WWOX: variants seen among roughly 807,000 people sequenced by gnomAD.
WWOX encodes the protein WW domain containing oxidoreductase, also known as WW domain-containing oxidoreductase.
In WWOX, 69 loss-of-function variants were observed where a neutral mutation model predicts 46.2. The observed-to-expected ratio is 1.49, with a 90% CI of 1.23 to 1.82. The LOEUF is 1.82. WWOX is among the 40% of genes most tolerant of loss of function. The probability of loss-of-function intolerance (pLI) is 0.00; values close to 1 mark genes in which losing one functional copy is unlikely to be tolerated. For missense variants in WWOX, 919 were observed against 542.6 expected (o/e 1.69, Z -6.89); for synonymous variants, 359 against 202.6 (o/e 1.77, Z -6.56).
rs563670231 is a variant in WWOX, at chr16:78,627,911, A to G, written c.1056+195159A>G. ...TCCCGTGGATTTGGCGTTGGCCAGA[A>G]CTTGTCTGGAATCTTGTTTTCTGCC... On this transcript the variant is annotated intron_variant, in intron 8 of 8. Coordinates refer to ENST00000566780, the MANE Select transcript of WWOX (RefSeq NM_016373.4). Among the ~76,000 whole-genome samples the G allele has an allele frequency of 4.3e-4, 65 of 152,368 alleles. No individual in the cohort carries two copies. The South Asian group carries it at 0.013, about 31-fold the overall frequency.
Position 78,659,900 on chromosome 16 carries a change from C to T in WWOX, c.1056+227148C>T, listed in dbSNP as rs147595442. Among the ~76,000 whole-genome samples the T allele has an allele frequency of 2.0e-4, 30 of 152,246 alleles. No homozygotes were observed. The South Asian group carries it at 4.4e-3, about 22-fold the overall frequency. ...CGGGTCCCCAGGCTCAACTATCAGC[C>T]GCCTTCTCATCCCAAGGGCTGTCAC... On this transcript the variant is annotated intron_variant, in intron 8 of 8. Transcript: ENST00000566780.
chr16:78,562,825 C>A (rs2044470690), intron 8 of WWOX, among the ~76,000 whole-genome samples: 1 of 152,122 alleles, frequency 6.6e-6, no homozygotes, highest in Non-Finnish European at 1.5e-5. Context: ...AAAGCATGAG[C>A]CCCTCCCTGG....
intron 8 of WWOX, among the ~76,000 whole-genome samples, chr16:78,658,179 C>G (rs1215759436): frequency 6.6e-6 from 1 of 152,144 alleles, no homozygotes; most frequent in Non-Finnish European, 1.5e-5. Context: ...CTGCCAGATA[C>G]CCCTGGGGAA....
chr16:78,549,275 A>T (rs1481592112), intron 8 of WWOX, among the ~76,000 whole-genome samples: 11 of 152,230 alleles, frequency 7.2e-5, no homozygotes, highest in Non-Finnish European at 1.5e-5. Flanking sequence ...TTCACGTCTC[A>T]GATATATAAA....
chr16:78,504,665 C>G (rs1052856550), intron 8 of WWOX, among the ~76,000 whole-genome samples: 1 of 152,136 alleles, frequency 6.6e-6, no homozygotes, highest in East Asian at 1.9e-4. Flanking sequence ...ATCCTGAACA[C>G]ATCTCTGTGC....
intron 5 of WWOX, among the ~76,000 whole-genome samples, chr16:78,216,069 A>G (rs779456729): frequency 7.2e-5 from 11 of 152,156 alleles, no homozygotes; most frequent in South Asian, 2.1e-4. Flanking sequence ...TCGCTAACCA[A>G]TGGTCTCATC....
At chr16:78,988,768 C>G (rs990570816) in intron 8 of WWOX, among the ~76,000 whole-genome samples, 2 of 152,166 alleles carry the variant, frequency 1.3e-5, no homozygotes, top group African/African-American at 2.4e-5. Flanking sequence ...GAGAGAAAGA[C>G]CGGTGGCTGT....
At position 78,100,052 on chromosome 16, in the gene WWOX, G is replaced by A. The variant is rs2031655407; in HGVS notation, c.107+167G>A. On this transcript the variant is annotated intron_variant, in intron 1 of 8. Coordinates refer to ENST00000566780, the MANE Select transcript of WWOX (RefSeq NM_016373.4). ...GGGTCCAGGGTTCCCAGTAGGGGCC[G>A]GCCCCCTTGGTGGGCCTCGGGTCCA... is the stretch of plus-strand genomic sequence containing the variant. 17 of 1,412,698 alleles carry A rather than the reference G, an allele frequency of 1.2e-5. 1 individual carries two copies. The South Asian group carries it at 2.4e-4, about 20-fold the overall frequency. 87.5% of individuals were successfully genotyped at this position (1,412,698 alleles called of 1,614,324 possible).
chr16:78,759,768 C>G lies in WWOX; in HGVS notation c.1056+327016C>G, dbSNP rs73573730. 9.3e-3 allele frequency among the ~76,000 whole-genome samples: 1,417 copies of G among 152,248 alleles called. 26 individuals carry two copies. Among genetic ancestry groups the G allele is most frequent in the African/African-American group, 0.032 (1,317 of 41,538 alleles). On this transcript the variant is annotated intron_variant, in intron 8 of 8. Transcript: ENST00000566780. ...CAGAGGCTTAAGACAGCACAAATGT[C>G]TTATCTTACAGTTCTGAAGGTTTCG...
intron 5 of WWOX, among the ~76,000 whole-genome samples, chr16:78,381,882 T>G (rs902729022): frequency 1.3e-5 from 2 of 152,124 alleles, no homozygotes; most frequent in African/African-American, 4.8e-5. Context: ...TTTCCTTTTT[T>G]ACTCAGACAG....
At chr16:78,371,634 A>ATATAT (rs2151921917) in intron 5 of WWOX, among the ~76,000 whole-genome samples, 1 of 152,148 alleles carries the variant, frequency 6.6e-6, no homozygotes, top group South Asian at 2.1e-4. Context: ...CATGATTGTT[A>ATATAT]TATATTCTTG....
rs56280651 is a variant in WWOX, at chr16:78,768,279, T to TAAAAAAAAAAAAAAAAA, written c.1056+335532_1056+335548dup. On this transcript the variant is annotated intron_variant, in intron 8 of 8. Transcript: ENST00000566780. ...GCAAGCCAAAAAGTGATAGATGAGT[T>TAAAAAAAAAAAAAAAAA]AAAAAAAAAAAAAAAAAAAAAGTTG... Among the ~76,000 whole-genome samples the TAAAAAAAAAAAAAAAAA allele has an allele frequency of 5.3e-4, 49 of 91,948 alleles. 1 individual carries two copies. Among genetic ancestry groups the TAAAAAAAAAAAAAAAAA allele is most frequent in the African/African-American group, 2.0e-3 (49 of 24,976 alleles). The allele number at this position is 91,948 out of a possible 152,430, so 60.3% of individuals were successfully genotyped here.
chr16:78,328,816 G>C (rs2080691885), intron 5 of WWOX, among the ~76,000 whole-genome samples: 1 of 128,732 alleles, frequency 7.8e-6, no homozygotes, highest in Non-Finnish European at 1.6e-5. Flanking sequence ...TTGACCTTTT[G>C]CCGATGTGTT....
chr16:78,572,916 C>T (rs1251362002), intron 8 of WWOX, among the ~76,000 whole-genome samples: 2 of 152,244 alleles, frequency 1.3e-5, no homozygotes, highest in East Asian at 3.9e-4. Context: ...AAAGTGTACA[C>T]ACATTGCTTA....
At chr16:78,840,533 A>G (rs112818831) in intron 8 of WWOX, among the ~76,000 whole-genome samples, 2,382 of 152,236 alleles carry the variant, frequency 0.016, 65 homozygotes, top group African/African-American at 0.055. Flanking sequence ...TTTATTTTGC[A>G]TTGTTTATGT....
chr16:78,756,769 G>C (rs540679706), intron 8 of WWOX, among the ~76,000 whole-genome samples: 1 of 152,270 alleles, frequency 6.6e-6, no homozygotes, highest in South Asian at 2.1e-4. Flanking sequence ...TGTGGCCTCT[G>C]GTGATTCTCA....
At chr16:78,557,063 G>A (rs2044315691) in intron 8 of WWOX, among the ~76,000 whole-genome samples, 1 of 152,014 alleles carries the variant, frequency 6.6e-6, no homozygotes, top group Non-Finnish European at 1.5e-5. Flanking sequence ...AAAAGAAAAG[G>A]GATTGTCCTA....
At chr16:78,604,201 T>A (rs1056912169) in intron 8 of WWOX, among the ~76,000 whole-genome samples, 1 of 152,172 alleles carries the variant, frequency 6.6e-6, no homozygotes, top group African/African-American at 2.4e-5. Flanking sequence ...CAGATGCATG[T>A]GGATGGGCCC....
chr16:78,603,064 C>G (rs1008972005), intron 8 of WWOX, among the ~76,000 whole-genome samples: 10 of 152,224 alleles, frequency 6.6e-5, no homozygotes, highest in African/African-American at 1.9e-4. Context: ...AGGTGGAGTA[C>G]TAACTGCAAT....
Sources: allele counts gnomAD v4.1 joint callset (sites outside exome capture counted in the v4.1 genomes callset), GRCh38; gene constraint gnomAD v4.1.1; transcripts MANE v1.5; gene names NCBI Gene and HGNC (gene_info 2026-07-23, HGNC 2026-07-21).